Variants in ZNF385D observed in about 807,000 individuals in gnomAD.
The protein encoded by ZNF385D is zinc finger protein 385D, also known as zinc finger protein 659.
ZNF385D carries 15 observed loss-of-function variants against 35.8 expected under a neutral mutation model. The observed-to-expected ratio is 0.42, with a 90% CI of 0.28 to 0.64. The LOEUF is 0.64. Ranked by LOEUF, ZNF385D falls within the 30% of genes least tolerant of loss-of-function variation. The pLI is 0.23. For synonymous variants in ZNF385D, 212 were observed against 186.8 expected, an observed-to-expected ratio of 1.13 and a Z score of -1.10; for missense variants, 474 against 494.6, an observed-to-expected ratio of 0.96 and a Z score of 0.39.
At chr3:21,752,344 T>G (rs1181406043), upstream of ZNF385D, among the ~76,000 whole-genome samples, 1 of 152,172 alleles carries the variant, frequency 6.6e-6, no homozygotes, top group African/African-American at 2.4e-5. Context: ...CAAAGAACTG[T>G]AGTCTATGGA....
chr3:21,559,236 G>T (rs1019010148), intron 3 of ZNF385D, among the ~76,000 whole-genome samples: 5 of 152,084 alleles, frequency 3.3e-5, no homozygotes, highest in African/African-American at 9.7e-5. Context: ...TTTTGTCTTA[G>T]TTGATGCAGT....
chr3:21,704,230 C>A (rs1405351892), intron 1 of ZNF385D, among the ~76,000 whole-genome samples: 1 of 152,118 alleles, frequency 6.6e-6, no homozygotes, highest in East Asian at 1.9e-4. Flanking sequence ...GTTGGTTTGC[C>A]TACTCAGTCA....
intron 2 of ZNF385D, among the ~76,000 whole-genome samples, chr3:21,651,148 T>C (rs1335133148): frequency 5.5e-5 from 8 of 146,716 alleles, no homozygotes; most frequent in Non-Finnish European, 7.5e-5. Flanking sequence ...ATCAGCTGGG[T>C]GTGGTGGCGG....
rs186071117 is a variant in ZNF385D at position 22,336,316 on chromosome 3, C to G, written c.106+36134G>C. Among the ~76,000 whole-genome samples the G allele has an allele frequency of 3.5e-3, 532 of 152,256 alleles. 2 individuals are homozygous for G. The highest frequency in any genetic ancestry group is 0.012 in the African/African-American group (496 of 41,572). The stretch of plus-strand genomic sequence containing the variant: ...TAGGGTGATGCCTGAAATACTATTG[C>G]AACTTGTACAATACCAAAACTTAAT... On this transcript the variant is annotated intron_variant, in intron 2 of 5. Coordinates refer to the ZNF385D transcript ENST00000494108.
chr3:21,797,155 A>T (rs965978932), intron 3 of ZNF385D, among the ~76,000 whole-genome samples: 2 of 152,236 alleles, frequency 1.3e-5, no homozygotes, highest in Non-Finnish European at 2.9e-5. Context: ...TAGAGAACAC[A>T]ATTTAAAAAT....
At chr3:22,108,626 TAA>T (rs1418450406) in intron 3 of ZNF385D, among the ~76,000 whole-genome samples, 2 of 152,182 alleles carry the variant, frequency 1.3e-5, no homozygotes, top group Non-Finnish European at 2.9e-5. Flanking sequence ...AAAAGTTACT[TAA>T]CCTCTCTAAG....
At chr3:22,032,344 C>T (rs898682235) in intron 3 of ZNF385D, among the ~76,000 whole-genome samples, 13 of 152,162 alleles carry the variant, frequency 8.5e-5, no homozygotes, top group African/African-American at 3.1e-4. Flanking sequence ...TACTTCTTGA[C>T]AAGGCAGCAG....
At chr3:21,964,943 T>A (rs1271633067) in intron 3 of ZNF385D, among the ~76,000 whole-genome samples, 4 of 152,248 alleles carry the variant, frequency 2.6e-5, no homozygotes, top group Admixed American at 2.6e-4. Context: ...CATATATTCA[T>A]GTATTTAGCA....
intron 3 of ZNF385D, among the ~76,000 whole-genome samples, chr3:21,952,660 C>T (rs149187963): frequency 2.6e-5 from 4 of 151,826 alleles, no homozygotes; most frequent in East Asian, 1.9e-4. Context: ...CTACTAACTC[C>T]GAGCTTGGCC....
chr3:22,215,612 T>A (rs1177335260), intron 2 of ZNF385D, among the ~76,000 whole-genome samples: 1 of 152,082 alleles, frequency 6.6e-6, no homozygotes, highest in Non-Finnish European at 1.5e-5. Context: ...ATGTTATCAA[T>A]GAAAATACTT....
At chr3:21,571,913 C>G (rs1277456373) in intron 2 of ZNF385D, among the ~76,000 whole-genome samples, 3 of 152,198 alleles carry the variant, frequency 2.0e-5, no homozygotes, top group Non-Finnish European at 4.4e-5. Context: ...ATTACCCTCC[C>G]TACACCTTTG....
At chr3:21,585,464 C>A (rs532042521) in intron 2 of ZNF385D, among the ~76,000 whole-genome samples, 1 of 152,290 alleles carries the variant, frequency 6.6e-6, no homozygotes, top group South Asian at 2.1e-4. Flanking sequence ...TTCTCCAGAT[C>A]TTTCTGGATA....
chr3:22,107,417 T>C (rs778290426), intron 3 of ZNF385D, among the ~76,000 whole-genome samples: 6 of 152,038 alleles, frequency 3.9e-5, no homozygotes, highest in Non-Finnish European at 5.9e-5. Context: ...TGTAAAATCA[T>C]TGATACATGG....
intron 3 of ZNF385D, among the ~76,000 whole-genome samples, chr3:22,003,056 T>C (rs566066222): frequency 3.9e-4 from 59 of 152,338 alleles, no homozygotes; most frequent in African/African-American, 1.3e-3. Flanking sequence ...CTCAGCATGG[T>C]ACTGGAAGTC....
chr3:22,218,166 A>G (rs1363180065), intron 2 of ZNF385D, among the ~76,000 whole-genome samples: 1 of 152,044 alleles, frequency 6.6e-6, no homozygotes, highest in African/African-American at 2.4e-5. Flanking sequence ...AATTTCATCA[A>G]ATCTTTAGAT....
At chr3:21,824,442 G>A (rs71187442) in intron 3 of ZNF385D, among the ~76,000 whole-genome samples, 25 of 104,834 alleles carry the variant, frequency 2.4e-4, no homozygotes, top group African/African-American at 9.0e-4. Flanking sequence ...TCTTTAAAAG[G>A]TCTCTCCCTT....
At chr3:22,157,229 T>A (rs1374265402) in intron 3 of ZNF385D, among the ~76,000 whole-genome samples, 4 of 152,178 alleles carry the variant, frequency 2.6e-5, no homozygotes, top group Non-Finnish European at 4.4e-5. Context: ...ATGGTCTACA[T>A]AATGTATACT....
chr3:22,309,419 C>T (rs905816835), intron 2 of ZNF385D, among the ~76,000 whole-genome samples: 2 of 152,028 alleles, frequency 1.3e-5, no homozygotes, highest in Admixed American at 6.6e-5. Flanking sequence ...AAGGCATGAC[C>T]TTGTCCCAGT....
At chr3:21,964,161 C>G (rs1702749147) in intron 3 of ZNF385D, among the ~76,000 whole-genome samples, 1 of 151,582 alleles carries the variant, frequency 6.6e-6, no homozygotes, top group Non-Finnish European at 1.5e-5. Flanking sequence ...AAAGAATGAA[C>G]AAAATTTCAT....
Sources: gnomAD v4.1 joint callset for allele counts (sites outside exome capture counted in the v4.1 genomes callset) on GRCh38, gnomAD v4.1.1 for gene constraint, MANE v1.5 for transcripts, NCBI Gene and HGNC (gene_info 2026-07-23, HGNC 2026-07-21) for gene names.